NCOA2: variants seen among roughly 807,000 people sequenced by gnomAD.
The protein encoded by NCOA2 is nuclear receptor coactivator 2.
In NCOA2, 21 loss-of-function variants were observed where a neutral mutation model predicts 145.1. The ratio of observed to expected loss-of-function variants is 0.14; its 90% CI spans 0.10 to 0.21. The LOEUF (loss-of-function observed/expected upper bound fraction) is 0.21. NCOA2 is among the 10% of genes least tolerant of loss of function. The pLI is 1.00. For synonymous variants in NCOA2, 619 were observed against 637.5 expected (o/e 0.97, Z 0.44); for missense variants, 1,472 against 1,837.6 (o/e 0.80, Z 3.64).
At chr8:70,251,347 C>G (rs1823157792) in intron 2 of NCOA2, among the ~76,000 whole-genome samples, 1 of 152,174 alleles carries the variant, frequency 6.6e-6, no homozygotes, top group South Asian at 2.1e-4. Context: ...AGAGTGCAAT[C>G]ACTTCTAAAT....
upstream of NCOA2, among the ~76,000 whole-genome samples, chr8:70,408,311 G>A (rs1231153165): frequency 1.3e-5 from 2 of 152,198 alleles, no homozygotes; most frequent in Non-Finnish European, 2.9e-5. Context: ...TAAAATGAAT[G>A]TAGGATCACA....
chr8:70,236,801 C>T (rs1048170628), intron 2 of NCOA2, among the ~76,000 whole-genome samples: 6 of 152,112 alleles, frequency 3.9e-5, no homozygotes, highest in Non-Finnish European at 7.3e-5. Flanking sequence ...TGGGAGGATG[C>T]GCATTATATG....
At chr8:70,333,292 T>G (rs1044846708) in intron 1 of NCOA2, among the ~76,000 whole-genome samples, 3 of 152,126 alleles carry the variant, frequency 2.0e-5, no homozygotes, top group Non-Finnish European at 4.4e-5. Flanking sequence ...AAGCATTCAC[T>G]ATTACACCGA....
At chr8:70,239,548 T>C (rs1399894570) in intron 2 of NCOA2, among the ~76,000 whole-genome samples, 1 of 152,084 alleles carries the variant, frequency 6.6e-6, no homozygotes, top group African/African-American at 2.4e-5. Context: ...TAAGGCAGCT[T>C]TTCTCCATCT....
chr8:70,165,306 T>C (rs929570897), intron 7 of NCOA2, among the ~76,000 whole-genome samples: 1 of 152,242 alleles, frequency 6.6e-6, no homozygotes, highest in Non-Finnish European at 1.5e-5. Context: ...ATTAAATAAC[T>C]AGCATTCAAT....
chr8:70,127,098 T>A, intron 18 of NCOA2, 51 bp from the exon 19 acceptor site: 1 of 1,346,440 alleles, frequency 7.4e-7, no homozygotes, highest in Non-Finnish European at 1.0e-6. Context: ...AGACATAGAT[T>A]AAAAAACAAA....
intron 1 of NCOA2, among the ~76,000 whole-genome samples, chr8:70,394,106 C>T (rs529872067): frequency 2.8e-4 from 42 of 152,312 alleles, no homozygotes; most frequent in South Asian, 1.0e-3. Context: ...GGTTTCATGA[C>T]GTACTGCCTA....
chr8:70,325,798 C>T (rs1473595728), intron 1 of NCOA2, among the ~76,000 whole-genome samples: 2 of 152,168 alleles, frequency 1.3e-5, no homozygotes, highest in Admixed American at 6.5e-5. Flanking sequence ...TAGCTATCCC[C>T]CAGAATCTTT....
chr8:70,425,294 T>A, the NCOA2 span, among the ~76,000 whole-genome samples: 2 of 152,204 alleles, frequency 1.3e-5, no homozygotes, highest in Non-Finnish European at 2.9e-5. Context: ...TCTGCATTTT[T>A]AAAACATTTC....
At chr8:70,363,079 T>TAAAAAA (rs777122942) in intron 1 of NCOA2, among the ~76,000 whole-genome samples, 49 of 99,742 alleles carry the variant, frequency 4.9e-4, no homozygotes, top group East Asian at 3.9e-3. Flanking sequence ...ACTCTGTCTT[T>TAAAAAA]AAAAAAAAAA....
intron 2 of NCOA2, among the ~76,000 whole-genome samples, chr8:70,266,828 C>T (rs898475195): frequency 6.6e-6 from 1 of 152,168 alleles, no homozygotes; most frequent in Non-Finnish European, 1.5e-5. Flanking sequence ...ATATATACTA[C>T]GCATGAATTA....
intron 1 of NCOA2, among the ~76,000 whole-genome samples, chr8:70,335,229 C>T (rs947095705): frequency 1.3e-5 from 2 of 150,110 alleles, no homozygotes; most frequent in Non-Finnish European, 3.0e-5. Context: ...TCTCTGCTCA[C>T]ACTGCCCCCC....
chr8:70,255,522 T>C (rs950846096), intron 2 of NCOA2, among the ~76,000 whole-genome samples: 1 of 152,192 alleles, frequency 6.6e-6, no homozygotes, highest in Non-Finnish European at 1.5e-5. Context: ...TACAGTAATA[T>C]GTACATACCA....
Position 70,265,838 on chromosome 8 carries a change from G to GTTGTTGTTGTTGT in NCOA2, c.-20+30905_-20+30906insACAACAACAACAA, listed in dbSNP as rs1563698994. 8.1e-4 allele frequency among the ~76,000 whole-genome samples: 120 copies of GTTGTTGTTGTTGT among 148,204 alleles called. 1 individual carries two copies. Among genetic ancestry groups the GTTGTTGTTGTTGT allele is most frequent in the African/African-American group, 2.9e-3 (111 of 38,572 alleles). ...TTGTTGTTGTTGTTGTTGTTGTTTT[G>GTTGTTGTTGTTGT]TTTGTTTTTTTAAAGAGACAGAGTC... On this transcript the variant is annotated intron_variant, in intron 2 of 22. Coordinates refer to ENST00000452400, the MANE Select transcript of NCOA2 (RefSeq NM_006540.4).
chr8:70,407,924 C>A (rs1814807431), upstream of NCOA2, among the ~76,000 whole-genome samples: 2 of 152,208 alleles, frequency 1.3e-5, no homozygotes, highest in Admixed American at 1.3e-4. Context: ...TACTTTCCCA[C>A]TTGAAAACAC....
At chr8:70,363,503 C>G (rs2131072440) in intron 1 of NCOA2, among the ~76,000 whole-genome samples, 1 of 152,076 alleles carries the variant, frequency 6.6e-6, no homozygotes, top group Non-Finnish European at 1.5e-5. Context: ...AAGTTTATAG[C>G]AACTTTATTC....
At position 70,203,267 on chromosome 8, in the gene NCOA2, A is replaced by AAAAAAAG. The variant is rs934506137; in HGVS notation, c.259+10635_259+10636insCTTTTTT. ...ATAGAACAAGACTCTGTCTCAAAAAAAAAAAGAAAAAAGAAAGAGGAAATA... is the reference window on the plus strand; with the variant it reads ...ATAGAACAAGACTCTGTCTCAAAAAAAAAAAAGAAAAAGAAAAAAGAAAGAGGAAATA... On this transcript the variant is annotated intron_variant, in intron 4 of 22. Coordinates refer to ENST00000452400, the MANE Select transcript of NCOA2 (RefSeq NM_006540.4). 4.1e-3 allele frequency among the ~76,000 whole-genome samples: 624 copies of AAAAAAAG among 151,436 alleles called. 15 individuals are homozygous for AAAAAAAG. The highest frequency in any genetic ancestry group is 0.014 in the African/African-American group (592 of 41,206).
At chr8:70,268,420 C>T (rs1824783982) in intron 2 of NCOA2, among the ~76,000 whole-genome samples, 1 of 152,148 alleles carries the variant, frequency 6.6e-6, no homozygotes, top group African/African-American at 2.4e-5. Context: ...TGGCAACAAA[C>T]AGAAATTTGA....
At chr8:70,203,927 CAA>C (rs1818177936) in intron 4 of NCOA2, among the ~76,000 whole-genome samples, 1 of 152,042 alleles carries the variant, frequency 6.6e-6, no homozygotes, top group Non-Finnish European at 1.5e-5. Context: ...TAGTCTAAAA[CAA>C]TATGTCTATT....
Sources: gnomAD v4.1 joint callset for allele counts (sites outside exome capture counted in the v4.1 genomes callset) on GRCh38, gnomAD v4.1.1 for gene constraint, MANE v1.5 for transcripts, NCBI Gene and HGNC (gene_info 2026-07-23, HGNC 2026-07-21) for gene names.